The following DACH2 variants were observed in gnomAD, a reference collection of about 807,000 sequenced individuals.
The protein encoded by DACH2 is dachshund family transcription factor 2, also known as dachshund homolog 2.
A neutral mutation model predicts 35.8 loss-of-function variants in DACH2; 17 were observed. The observed-to-expected ratio is 0.48, with a 90% confidence interval of 0.33 to 0.71. The LOEUF (loss-of-function observed/expected upper bound fraction) is 0.71. Ranked by LOEUF, DACH2 falls within the 30% of genes least tolerant of loss-of-function variation. The pLI, the probability that DACH2 is intolerant of heterozygous loss-of-function variation, is 0.02. For missense variants in DACH2, 469 were observed against 472.7 expected, an observed-to-expected ratio of 0.99 and a Z score of 0.07; for synonymous variants, 195 against 177.3, an observed-to-expected ratio of 1.10 and a Z score of -0.79.
chrX:86,373,253 C>T (rs2148097927), intron 1 of DACH2, among the ~76,000 whole-genome samples: 1 of 110,915 alleles, frequency 9.0e-6, no homozygotes, highest in Admixed American at 9.6e-5. Flanking sequence ...CCCCAAAGTG[C>T]TTTCCACAGT....
chrX:86,550,644 G>T (rs1033956014), intron 3 of DACH2, among the ~76,000 whole-genome samples: 4 of 111,276 alleles, frequency 3.6e-5, no homozygotes, highest in African/African-American at 9.8e-5. Flanking sequence ...TGCACCCAGA[G>T]ATTTTTATGG....
chrX:86,709,157 A>G (rs2041251489), intron 5 of DACH2, among the ~76,000 whole-genome samples: 1 of 111,880 alleles, frequency 8.9e-6, no homozygotes, highest in Admixed American at 9.5e-5. Flanking sequence ...TATTTACTGT[A>G]AAGTTATAGT....
chrX:86,487,731 T>C (rs1379164330), intron 2 of DACH2, among the ~76,000 whole-genome samples: 1 of 112,229 alleles, frequency 8.9e-6, no homozygotes, highest in African/African-American at 3.2e-5. Context: ...AATTAATAAA[T>C]GGTATTTTAA....
chrX:86,772,367 G>T (rs187829444), intron 7 of DACH2, among the ~76,000 whole-genome samples: 40 of 111,276 alleles, frequency 3.6e-4, no homozygotes, highest in African/African-American at 1.3e-3. Context: ...AACTACTCCT[G>T]CTGGGTTTAC....
intron 1 of DACH2, among the ~76,000 whole-genome samples, chrX:86,209,584 C>G (rs1389009107): frequency 9.0e-6 from 1 of 111,154 alleles, no homozygotes; most frequent in Non-Finnish European, 1.9e-5. Flanking sequence ...TTGTATTCCT[C>G]AGAGTCCTTC....
At chrX:86,647,374 T>G (rs2040427709) in intron 3 of DACH2, among the ~76,000 whole-genome samples, 1 of 111,072 alleles carries the variant, frequency 9.0e-6, no homozygotes. Context: ...TTCCCATTTG[T>G]GACAACATGA....
At chrX:86,452,813 A>G (rs978733731) in intron 2 of DACH2, among the ~76,000 whole-genome samples, 1 of 110,469 alleles carries the variant, frequency 9.1e-6, no homozygotes, top group Non-Finnish European at 1.9e-5. Flanking sequence ...GTGTCTCTAT[A>G]TCCTTCAGTT....
chrX:86,811,713 T>G (rs1347759999), intron 7 of DACH2, among the ~76,000 whole-genome samples: 4 of 111,757 alleles, frequency 3.6e-5, no homozygotes, highest in Non-Finnish European at 7.5e-5. Context: ...CGAGATTACC[T>G]CTCTGTGGCA....
intron 1 of DACH2, among the ~76,000 whole-genome samples, chrX:86,164,560 G>C (rs2030877150): frequency 9.0e-6 from 1 of 111,642 alleles, no homozygotes; most frequent in Middle Eastern, 4.6e-3. Context: ...GATTTTAATA[G>C]TTTTGGGTTT....
At chrX:86,242,742 T>C (rs952041327) in intron 1 of DACH2, among the ~76,000 whole-genome samples, 2 of 111,356 alleles carry the variant, frequency 1.8e-5, no homozygotes, top group Non-Finnish European at 3.8e-5. Flanking sequence ...AGGGACCTGG[T>C]GGGAGGTAAT....
chrX:86,301,406 A>AT (rs1424376887), intron 1 of DACH2, among the ~76,000 whole-genome samples: 3 of 111,941 alleles, frequency 2.7e-5, no homozygotes, highest in Non-Finnish European at 5.6e-5. Context: ...ATAAAAAATT[A>AT]TTTTTGAAAT....
chrX:86,359,264 T>A (rs1472684664), intron 1 of DACH2, among the ~76,000 whole-genome samples: 1 of 111,194 alleles, frequency 9.0e-6, no homozygotes, highest in Non-Finnish European at 1.9e-5. Context: ...AAATGAAAAA[T>A]TTAGATAAAA....
chrX:86,824,700 G>GCA (rs1233678776), intron 11 of DACH2, among the ~76,000 whole-genome samples: 1 of 111,931 alleles, frequency 8.9e-6, no homozygotes, highest in Non-Finnish European at 1.9e-5. Flanking sequence ...TTTCACAAAT[G>GCA]TCTAAGTGCT....
chrX:86,368,764 A>G (rs944793864), intron 1 of DACH2, among the ~76,000 whole-genome samples: 5 of 110,001 alleles, frequency 4.5e-5, no homozygotes, highest in Non-Finnish European at 5.7e-5. Context: ...GGGTTGCGCT[A>G]GTTGCCAAGG....
intron 1 of DACH2, among the ~76,000 whole-genome samples, chrX:86,179,666 T>G (rs767406184): frequency 9.0e-6 from 1 of 111,707 alleles, no homozygotes; most frequent in East Asian, 2.8e-4. Flanking sequence ...AAATGTTATA[T>G]TTCCTGCATT....
At chrX:86,557,417 C>T (rs376978106) in intron 3 of DACH2, among the ~76,000 whole-genome samples, 12 of 107,257 alleles carry the variant, frequency 1.1e-4, no homozygotes, top group African/African-American at 1.7e-4. Context: ...ATTGACTTGG[C>T]GATGCGGGCT....
chrX:86,285,684 C>A (rs1340729326), intron 1 of DACH2, among the ~76,000 whole-genome samples: 1 of 111,620 alleles, frequency 9.0e-6, no homozygotes, highest in East Asian at 2.8e-4. Context: ...TTCATTCGGC[C>A]TATAAGTGCA....
chrX:86,382,461 TACACAC>T lies in DACH2; in HGVS notation c.527+5638_527+5643del, dbSNP rs55825336. ...CAGAGTTGCAAATATGCTACATTCA[TACACAC>T]ACACACACACACACACACACACACA... On this transcript the variant is annotated intron_variant, in intron 2 of 11. Transcript: ENST00000373125. Among the ~76,000 whole-genome samples the T allele has an allele frequency of 9.6e-3, 910 of 94,611 alleles. 12 individuals carry two copies. Among genetic ancestry groups the T allele is most frequent in the African/African-American group, 0.034 (857 of 25,025 alleles). The allele number at this position is 94,611 out of a possible 115,157, so 82.2% of individuals were successfully genotyped here.
chrX:86,291,098 C>A (rs2034279798), intron 1 of DACH2, among the ~76,000 whole-genome samples: 1 of 102,067 alleles, frequency 9.8e-6, no homozygotes, highest in Admixed American at 1.1e-4. Flanking sequence ...CTTTTATTTC[C>A]TTGAGCAGTG....
Sources: gnomAD v4.1 joint callset for allele counts (sites outside exome capture counted in the v4.1 genomes callset) on GRCh38, gnomAD v4.1.1 for gene constraint, MANE v1.5 for transcripts, NCBI Gene and HGNC (gene_info 2026-07-23, HGNC 2026-07-21) for gene names.